DGKB: variants seen among roughly 807,000 people sequenced by gnomAD.
DGKB encodes diacylglycerol kinase beta.
DGKB carries 67 observed loss-of-function variants against 114.3 expected under a neutral mutation model. The ratio of observed to expected loss-of-function variants is 0.59; its 90% CI spans 0.48 to 0.72. DGKB has a LOEUF of 0.72. Ranked by LOEUF, DGKB falls within the 30% of genes least tolerant of loss-of-function variation. The pLI is 0.00. For synonymous variants in DGKB, 398 were observed against 323.1 expected (o/e 1.23, Z -2.49); for missense variants, 907 against 975.2 (o/e 0.93, Z 0.93).
intron 23 of DGKB, among the ~76,000 whole-genome samples, chr7:14,329,458 G>A (rs995078893): frequency 1.3e-5 from 2 of 151,950 alleles, no homozygotes; most frequent in Admixed American, 1.3e-4. Context: ...CAATTAGGTT[G>A]TAGTTTTTCT....
At chr7:14,223,631 A>G (rs1584549789) in intron 23 of DGKB, among the ~76,000 whole-genome samples, 1 of 151,924 alleles carries the variant, frequency 6.6e-6, no homozygotes, top group South Asian at 2.1e-4. Context: ...TTATTATAAT[A>G]TCTGGGGTCA....
At chr7:14,686,411 T>A (rs1233198896) in intron 9 of DGKB, among the ~76,000 whole-genome samples, 3 of 152,202 alleles carry the variant, frequency 2.0e-5, no homozygotes, top group Admixed American at 6.5e-5. Context: ...ATCATCAAAT[T>A]ATATCAAACA....
Position 14,583,563 on chromosome 7 carries a change from GTAAA to G in DGKB, c.1434-430_1434-427del, listed in dbSNP as rs1445333972. On this transcript the variant is annotated intron_variant, in intron 17 of 25. Coordinates refer to ENST00000402815, the MANE Select transcript of DGKB (RefSeq NM_001350709.2). ...ATATATAAATGTGACAGTTATGTCA[GTAAA>G]TATGTCTTTAACAATGTTCTACTTT... Among the ~76,000 whole-genome samples, 12 of 152,252 alleles carry G rather than the reference GTAAA, an allele frequency of 7.9e-5. No homozygotes were observed. In the East Asian group the frequency reaches 2.3e-3, roughly 29 times the overall value.
chr7:14,973,538 C>CT (rs1221267709), intron 1 of DGKB, among the ~76,000 whole-genome samples: 10 of 119,084 alleles, frequency 8.4e-5, no homozygotes, highest in Middle Eastern at 4.5e-3. Context: ...TTTTTTTTTT[C>CT]TTTTTTTTTT....
At chr7:14,760,021 A>AT (rs1156536068) in intron 2 of DGKB, among the ~76,000 whole-genome samples, 1 of 152,190 alleles carries the variant, frequency 6.6e-6, no homozygotes. Context: ...AATGCTGAGC[A>AT]TCTTTTTATA....
At chr7:14,263,253 C>G (rs920904062) in intron 23 of DGKB, among the ~76,000 whole-genome samples, 4 of 152,148 alleles carry the variant, frequency 2.6e-5, no homozygotes, top group African/African-American at 9.7e-5. Context: ...CTACGATTGT[C>G]ATCACCTTTT....
At chr7:14,521,959 A>C (rs1158703132) in intron 20 of DGKB, among the ~76,000 whole-genome samples, 4 of 152,248 alleles carry the variant, frequency 2.6e-5, no homozygotes. Context: ...AAATCTGTGA[A>C]GTCTGCCTTT....
At chr7:14,499,440 C>T (rs1449849173) in intron 20 of DGKB, among the ~76,000 whole-genome samples, 1 of 151,682 alleles carries the variant, frequency 6.6e-6, no homozygotes, top group Non-Finnish European at 1.5e-5. Context: ...GCATGATCCA[C>T]AAAAACATTA....
intron 23 of DGKB, among the ~76,000 whole-genome samples, chr7:14,237,592 C>G (rs1353318099): frequency 2.0e-5 from 3 of 151,580 alleles, no homozygotes; most frequent in Non-Finnish European, 4.4e-5. Flanking sequence ...TTAAAAATGC[C>G]ATTTGAATTT....
rs138998409 is a variant in DGKB, at chr7:14,653,781, G to A, written c.1134+19148C>T. The stretch of plus-strand genomic sequence containing the variant: ...AATAGAATAAAGGAAAAAGTCTTAC[G>A]ATCATCATAATAGAAACCAAAACAA... On this transcript the variant is annotated intron_variant, in intron 13 of 25. Coordinates refer to ENST00000402815, the MANE Select transcript of DGKB (RefSeq NM_001350709.2). 3.4e-3 allele frequency among the ~76,000 whole-genome samples: 511 copies of A among 151,950 alleles called. 2 individuals carry two copies. Among genetic ancestry groups the A allele is most frequent in the South Asian group, 7.3e-3 (35 of 4,812 alleles).
chr7:14,647,902 G>A lies in DGKB; in HGVS notation c.1135-17634C>T, dbSNP rs541803656. Among the ~76,000 whole-genome samples the A allele has an allele frequency of 2.7e-3, 416 of 152,290 alleles. 2 individuals carry two copies. The highest frequency in any genetic ancestry group is 9.0e-3 in the African/African-American group (375 of 41,556). Reference sequence around the variant, plus strand: ...GGTGACGGACAGCACCTGGAAAATCGGGTCACTCCCACCAGAATACTGTGC... The same window carrying A: ...GGTGACGGACAGCACCTGGAAAATCAGGTCACTCCCACCAGAATACTGTGC... On this transcript the variant is annotated intron_variant, in intron 13 of 25. Transcript: ENST00000402815.
chr7:14,423,864 T>C (rs751030861), intron 21 of DGKB, among the ~76,000 whole-genome samples: 5 of 152,142 alleles, frequency 3.3e-5, no homozygotes, highest in Admixed American at 1.3e-4. Context: ...TCTTTGTAAA[T>C]GGTAACTCTA....
intron 23 of DGKB, among the ~76,000 whole-genome samples, chr7:14,235,216 A>G (rs1280521010): frequency 1.3e-5 from 2 of 152,078 alleles, no homozygotes; most frequent in African/African-American, 4.8e-5. Flanking sequence ...ACATCTGCGG[A>G]GCCAAGACTA....
intron 21 of DGKB, among the ~76,000 whole-genome samples, chr7:14,403,156 A>C (rs1207780234): frequency 5.3e-5 from 8 of 151,996 alleles, no homozygotes; most frequent in Non-Finnish European, 1.2e-4. Flanking sequence ...TTGTTAGAAG[A>C]AATTACATAT....
intron 5 of DGKB, among the ~76,000 whole-genome samples, chr7:14,729,782 C>A (rs60293350): frequency 6.6e-6 from 1 of 152,102 alleles, no homozygotes; most frequent in African/African-American, 2.4e-5. Context: ...TATAATATAA[C>A]TGAACACATA....
intron 23 of DGKB, among the ~76,000 whole-genome samples, chr7:14,320,796 A>C (rs1807627183): frequency 6.6e-6 from 1 of 152,010 alleles, no homozygotes; most frequent in Non-Finnish European, 1.5e-5. Flanking sequence ...CTGCCTACCA[A>C]CTTTGCCCTT....
Position 14,496,300 on chromosome 7 carries a change from G to A in DGKB, c.1771-18075C>T, listed in dbSNP as rs543678114. 4.0e-5 allele frequency among the ~76,000 whole-genome samples: 6 copies of A among 151,804 alleles called. No homozygotes were observed. In the East Asian group the frequency reaches 1.2e-3, roughly 29 times the overall value. On this transcript the variant is annotated intron_variant, in intron 20 of 25. Transcript: ENST00000402815. Reference sequence around the variant, plus strand: ...AAGCAATTTGTTCTTGGGTTTTTATGAAGATAAACCTCAGTGGCATATTAA... The same window carrying A: ...AAGCAATTTGTTCTTGGGTTTTTATAAAGATAAACCTCAGTGGCATATTAA...
chr7:14,796,196 C>T (rs1442777964), intron 2 of DGKB, among the ~76,000 whole-genome samples: 1 of 152,064 alleles, frequency 6.6e-6, no homozygotes, highest in Non-Finnish European at 1.5e-5. Flanking sequence ...TAAGAAGGAG[C>T]AAGACAATTT....
chr7:14,941,165 T>C (rs55786947), intron 1 of DGKB, among the ~76,000 whole-genome samples: 20,658 of 151,986 alleles, frequency 0.14, 1,482 homozygotes, highest in Admixed American at 0.19. Flanking sequence ...CAGTAGGGCA[T>C]GGATAGCAGG....
Sources: gnomAD v4.1 joint callset for allele counts (sites outside exome capture counted in the v4.1 genomes callset) on GRCh38, gnomAD v4.1.1 for gene constraint, MANE v1.5 for transcripts, NCBI Gene and HGNC (gene_info 2026-07-23, HGNC 2026-07-21) for gene names.